ANKRD36: variants seen among roughly 807,000 people sequenced by gnomAD.
The protein encoded by ANKRD36 is ankyrin repeat domain 36.
In ANKRD36, 179 loss-of-function variants were observed where a neutral mutation model predicts 278.1. The observed-to-expected ratio is 0.64, with a 90% confidence interval of 0.57 to 0.73. ANKRD36 has a LOEUF of 0.73. ANKRD36 is among the 30% of genes least tolerant of loss of function. The pLI, the probability that ANKRD36 is intolerant of heterozygous loss-of-function variation, is 0.00. For synonymous variants in ANKRD36, 320 were observed against 641.1 expected (o/e 0.50, Z 7.57); for missense variants, 1,159 against 1,956.7 (o/e 0.59, Z 7.69).
At chr2:97,256,296 G>A (rs982284827) in intron 75 of ANKRD36, among the ~76,000 whole-genome samples, 2 of 151,626 alleles carry the variant, frequency 1.3e-5, no homozygotes, top group Non-Finnish European at 2.9e-5. Context: ...GGCGGAGGCT[G>A]CAGTTAGCTG....
chr2:97,120,560 C>T (rs1466132016), intron 3 of ANKRD36, among the ~76,000 whole-genome samples: 2 of 150,240 alleles, frequency 1.3e-5, no homozygotes, highest in East Asian at 1.9e-4. Context: ...ACTAATTATC[C>T]ATTTGGTGAA....
At chr2:97,154,469 A>G (rs1297425807) in intron 14 of ANKRD36, among the ~76,000 whole-genome samples, 2 of 146,680 alleles carry the variant, frequency 1.4e-5, no homozygotes, top group Non-Finnish European at 3.1e-5. Flanking sequence ...AAGTGGCAGC[A>G]GAAATAGGTA....
intron 50 of ANKRD36, among the ~76,000 whole-genome samples, chr2:97,205,078 G>T (rs1250071579): frequency 1.3e-5 from 2 of 151,406 alleles, no homozygotes; most frequent in Admixed American, 1.3e-4. Context: ...ACATGATATT[G>T]CCAACAAGGG....
chr2:97,174,642 G>A (rs1330168643), intron 22 of ANKRD36, among the ~76,000 whole-genome samples: 2 of 151,506 alleles, frequency 1.3e-5, no homozygotes, highest in African/African-American at 4.8e-5. Context: ...AATTGCCCTG[G>A]CCAGAACTTC....
In ANKRD36 at chr2:97,208,264, T is replaced by C. The variant is rs565028506; in HGVS notation, c.3265+258T>C. 1.8e-4 allele frequency among the ~76,000 whole-genome samples: 26 copies of C among 146,866 alleles called. 3 individuals are homozygous for C. Among genetic ancestry groups the C allele is most frequent in the Middle Eastern group, 3.5e-3 (1 of 286 alleles). On this transcript the variant is annotated intron_variant, in intron 54 of 75. Transcript: ENST00000420699. ...GAGCAGTTCAAGGCATAAGGGGCTC[T>C]GGGGAACAACATAATTTTGCTTTAA...
intron 28 of ANKRD36, 36 bp downstream of exon 28, chr2:97,183,690 T>G: frequency 6.5e-7 from 1 of 1,543,480 alleles, no homozygotes; most frequent in Non-Finnish European, 8.8e-7. Context: ...TCATGTGCAC[T>G]CAAGACAGAA....
In ANKRD36 at chr2:97,181,584, C is replaced by T. The variant is rs1009640802; in HGVS notation, c.1736-14C>T. On this transcript the variant is annotated splice_polypyrimidine_tract_variant and intron_variant, in intron 24 of 75. Coordinates refer to ENST00000420699, the MANE Select transcript of ANKRD36 (RefSeq NM_001354587.1). Reference sequence around the variant, plus strand: ...TGTACATGTGAGTGATTATGTTTCCCTTTTGCTTTTCAGTGTCTTCTCAGA... The same window carrying T: ...TGTACATGTGAGTGATTATGTTTCCTTTTTGCTTTTCAGTGTCTTCTCAGA... 1.2e-5 allele frequency: 19 copies of T among 1,603,224 alleles called. No individual in the cohort carries two copies. The highest frequency in any genetic ancestry group is 1.6e-5 in the Non-Finnish European group (19 of 1,177,876).
At chr2:97,161,172 C>T (rs1409876402) in intron 17 of ANKRD36, among the ~76,000 whole-genome samples, 1 of 152,286 alleles carries the variant, frequency 6.6e-6, no homozygotes, top group Non-Finnish European at 1.5e-5. Context: ...GATCAGTCTT[C>T]TAAGTCCCCT....
chr2:97,206,481 G>C (rs999756428), intron 52 of ANKRD36, among the ~76,000 whole-genome samples: 6 of 151,468 alleles, frequency 4.0e-5, no homozygotes, highest in South Asian at 2.1e-4. Flanking sequence ...TTTTACAGAT[G>C]TCACATCATA....
At chr2:97,263,229 A>G (rs2153706563) in intron 75 of ANKRD36, among the ~76,000 whole-genome samples, 1 of 132,410 alleles carries the variant, frequency 7.6e-6, no homozygotes, top group Non-Finnish European at 1.5e-5. Context: ...TGAGGTACAT[A>G]GAATACAACT....
intron 69 of ANKRD36, among the ~76,000 whole-genome samples, chr2:97,242,212 A>C (rs1166724398): frequency 6.6e-6 from 1 of 151,556 alleles, no homozygotes; most frequent in Non-Finnish European, 1.5e-5. Context: ...ATCGCATGAA[A>C]CTGGGAGGCA....
intron 20 of ANKRD36, among the ~76,000 whole-genome samples, chr2:97,166,566 G>A (rs1271438340): frequency 3.5e-5 from 5 of 143,796 alleles, no homozygotes; most frequent in Non-Finnish European, 7.6e-5. Flanking sequence ...GGGTGGGATG[G>A]TGTAAATAAA....
chr2:97,123,374 T>G (rs2037468533), intron 4 of ANKRD36, among the ~76,000 whole-genome samples: 1 of 113,864 alleles, frequency 8.8e-6, no homozygotes, highest in Admixed American at 8.7e-5. Context: ...AGTTTTTCAT[T>G]TCTACTGTGT....
intron 24 of ANKRD36, among the ~76,000 whole-genome samples, chr2:97,180,161 C>G (rs1218556150): frequency 6.6e-6 from 1 of 151,500 alleles, no homozygotes; most frequent in Non-Finnish European, 1.5e-5. Flanking sequence ...GGAAGAAAAA[C>G]CATTGGAGAG....
intron 67 of ANKRD36, among the ~76,000 whole-genome samples, chr2:97,225,147 A>G (rs1244083269): frequency 1.3e-5 from 2 of 151,948 alleles, no homozygotes; most frequent in Admixed American, 1.3e-4. Context: ...ACTTCCTATT[A>G]TAATAAAGAA....
chr2:97,157,405 T>A (rs1575071299), intron 15 of ANKRD36, among the ~76,000 whole-genome samples: 1 of 149,954 alleles, frequency 6.7e-6, no homozygotes, highest in East Asian at 2.0e-4. Flanking sequence ...TAAAAATAAC[T>A]TACCTCAGTC....
At chr2:97,205,850 G>C in intron 50 of ANKRD36, 90 bp from the exon 51 acceptor site, 2 of 1,439,016 alleles carry the variant, frequency 1.4e-6, no homozygotes, top group East Asian at 2.5e-5. Flanking sequence ...ACAGGCAGGA[G>C]GACAGAGGTT....
intron 67 of ANKRD36, among the ~76,000 whole-genome samples, chr2:97,230,119 G>T (rs1318203615): frequency 6.6e-6 from 1 of 152,038 alleles, no homozygotes; most frequent in Non-Finnish European, 1.5e-5. Context: ...ATGTGTCTTG[G>T]AGTTGCTCTT....
At chr2:97,182,412 A>G (rs2056461038) in intron 26 of ANKRD36, among the ~76,000 whole-genome samples, 1 of 144,598 alleles carries the variant, frequency 6.9e-6, no homozygotes, top group African/African-American at 2.5e-5. Context: ...GGGATAAACC[A>G]CAGTGACTCA....
Sources: allele counts gnomAD v4.1 joint callset (sites outside exome capture counted in the v4.1 genomes callset), GRCh38; gene constraint gnomAD v4.1.1; transcripts MANE v1.5; gene names NCBI Gene and HGNC (gene_info 2026-07-23, HGNC 2026-07-21).